The following CAND1 variants were observed in gnomAD, a reference collection of about 807,000 sequenced individuals.
CAND1 encodes the protein cullin-associated NEDD8-dissociated protein 1.
CAND1 carries 7 observed loss-of-function variants against 108.5 expected under a neutral mutation model. The ratio of observed to expected loss-of-function variants is 0.06; its 90% CI spans 0.04 to 0.12. The LOEUF is 0.12. CAND1 is among the 10% of genes least tolerant of loss of function. The pLI, the probability that CAND1 is intolerant of heterozygous loss-of-function variation, is 1.00. For synonymous variants in CAND1, 534 were observed against 512.0 expected (o/e 1.04, Z -0.58); for missense variants, 941 against 1,448.7 (o/e 0.65, Z 5.69).
rs1472030020 is a variant in CAND1 at position 67,269,661 on chromosome 12, C to T, written c.-57C>T. 1 of 1,481,516 alleles carries T rather than the reference C, an allele frequency of 6.7e-7. No homozygotes were observed. The highest frequency in any genetic ancestry group is 2.5e-5 in the East Asian group (1 of 40,520). 91.8% of individuals were successfully genotyped at this position (1,481,516 alleles called of 1,614,324 possible). A position where few individuals can be genotyped will look rare whatever the true frequency, so the allele number is the denominator to read the frequency against. On this transcript the variant is annotated 5_prime_UTR_variant, in exon 1 of 15. Coordinates refer to ENST00000545606, the MANE Select transcript of CAND1 (RefSeq NM_018448.5). ...GCTCCAGTGGCGGCGGCGGCGGCGG[C>T]AGCGGCAGCGGGCAGCAGCTCCAGC...
chr12:67,276,820 TTTTC>T (rs1366128688), intron 1 of CAND1, among the ~76,000 whole-genome samples: 2 of 152,220 alleles, frequency 1.3e-5, no homozygotes, highest in Non-Finnish European at 2.9e-5. Context: ...GCTGCTGTTT[TTTTC>T]TTTATCAGTG....
intron 10 of CAND1, 40 bp downstream of exon 10, chr12:67,306,637 G>A (rs1360661403): frequency 2.0e-6 from 3 of 1,484,096 alleles, no homozygotes; most frequent in South Asian, 2.7e-5. Context: ...GTTTTTTATT[G>A]ATAGTTGGTT....
Position 67,313,753 on chromosome 12 carries a change from A to G in CAND1, c.*923A>G, listed in dbSNP as rs557177506. 157 of 152,740 alleles carry G rather than the reference A, an allele frequency of 1.0e-3. 1 individual carries two copies. Among genetic ancestry groups the G allele is most frequent in the African/African-American group, 3.8e-3 (156 of 41,596 alleles). The allele number at this position is 152,740 out of a possible 1,614,324, so 9.5% of individuals were successfully genotyped here. A position where few individuals can be genotyped will look rare whatever the true frequency, so the allele number is the denominator to read the frequency against. On this transcript the variant is annotated 3_prime_UTR_variant, in exon 15 of 15. Transcript: ENST00000545606. ...ATTCCACTTAGAAATTCTTAAAACC[A>G]GATTTTTCTTTCATTCCGTTTGGAT...
At position 67,305,681 on chromosome 12, in the gene CAND1, T is replaced by C. The variant is rs1406967941; in HGVS notation, c.2013T>C (p.Leu671=). 1.2e-6 allele frequency: 2 copies of C among 1,614,122 alleles called. No individual in the cohort carries two copies. Among genetic ancestry groups the C allele is most frequent in the Non-Finnish European group, 1.7e-6 (2 of 1,179,992 alleles). ...AGAGAGCTTTGAAACTGGGTACTCT[T>C]TCTGCCCTTGATATTCTAATAAAAA... The part of the protein sequence containing the change: ...KNQRALKLGT[L]SALDILIKNY... Residue 671 remains leucine (L), a synonymous_variant, in exon 10 of 15, where the codon CTT becomes CTC. Coordinates refer to ENST00000545606, the MANE Select transcript of CAND1 (RefSeq NM_018448.5). The surrounding 1 kb of genome is among the most constrained non-coding windows in gnomAD (Gnocchi z 4.4).
intron 2 of CAND1, among the ~76,000 whole-genome samples, chr12:67,290,655 T>C (rs796508): frequency 0.74 from 113,208 of 152,104 alleles, 43,093 homozygotes; most frequent in African/African-American, 0.9. Flanking sequence ...TAAATAGTTA[T>C]GGAGTTCCTT....
At chr12:67,293,230 A>C (rs1352592902) in intron 3 of CAND1, 1 of 155,372 alleles carries the variant, frequency 6.4e-6, no homozygotes, top group Non-Finnish European at 1.4e-5. Context: ...GCTTTAATTA[A>C]AGCTGAGCCT....
intron 2 of CAND1, among the ~76,000 whole-genome samples, chr12:67,292,106 A>G (rs943036523): frequency 1.3e-5 from 2 of 151,928 alleles, no homozygotes; most frequent in African/African-American, 4.8e-5. Flanking sequence ...GCCTCAAGTG[A>G]TCCACCCGCC....
intron 11 of CAND1, among the ~76,000 whole-genome samples, chr12:67,308,319 C>T (rs1035680506): frequency 2.0e-5 from 3 of 152,048 alleles, no homozygotes; most frequent in South Asian, 2.1e-4. Flanking sequence ...AAGGAAAGCA[C>T]AGGCACAAAT....
chr12:67,288,350 A>C (rs2044692160), intron 2 of CAND1, among the ~76,000 whole-genome samples: 1 of 151,566 alleles, frequency 6.6e-6, no homozygotes, highest in Non-Finnish European at 1.5e-5. Context: ...CTGGTCTCGA[A>C]CTCCTGACCT....
At chr12:67,295,186 G>A (rs370500169) in intron 4 of CAND1, 30 bp downstream of exon 4, 16 of 1,573,762 alleles carry the variant, frequency 1.0e-5, no homozygotes, top group African/African-American at 2.7e-5. Flanking sequence ...TCCGTTACTC[G>A]TAATACAGAT....
At chr12:67,285,224 C>T (rs944419121) in intron 2 of CAND1, among the ~76,000 whole-genome samples, 2 of 152,092 alleles carry the variant, frequency 1.3e-5, no homozygotes, top group Admixed American at 1.3e-4. Flanking sequence ...TTACAGTTTT[C>T]TGTTGTTCCA....
intron 2 of CAND1, among the ~76,000 whole-genome samples, chr12:67,292,134 T>A (rs531909785): frequency 6.6e-6 from 1 of 152,232 alleles, no homozygotes; most frequent in East Asian, 1.9e-4. Context: ...CCCGAAGTGC[T>A]GGGATTACAG....
chr12:67,318,535 T>C lies in CAND1; in HGVS notation c.*5705T>C, dbSNP rs1213300527. ...TCTTACTAGCATTCTGTCCCTTTTA[T>C]TTCCTAAATATCTCTCATGCCCATC... On this transcript the variant is annotated 3_prime_UTR_variant, in exon 15 of 15. Transcript: ENST00000545606. 1 of 152,236 alleles carries C rather than the reference T, an allele frequency of 6.6e-6. No individual in the cohort carries two copies. Among genetic ancestry groups the C allele is most frequent in the Non-Finnish European group, 1.5e-5 (1 of 68,048 alleles). The allele number at this position is 152,236 out of a possible 1,614,324, so 9.4% of individuals were successfully genotyped here. A position where few individuals can be genotyped will look rare whatever the true frequency, so the allele number is the denominator to read the frequency against.
intron 2 of CAND1, among the ~76,000 whole-genome samples, chr12:67,284,974 A>T (rs1487784898): frequency 6.6e-6 from 1 of 152,220 alleles, no homozygotes; most frequent in East Asian, 1.9e-4. Context: ...TGGGAGAAAC[A>T]AGTCAATTAA....
chr12:67,312,330 C>G (rs2044959940), intron 14 of CAND1, among the ~76,000 whole-genome samples: 1 of 151,934 alleles, frequency 6.6e-6, no homozygotes, highest in Non-Finnish European at 1.5e-5. Context: ...ACTTGCTAAG[C>G]AGATAGTTGA....
intron 1 of CAND1, among the ~76,000 whole-genome samples, chr12:67,276,186 T>C (rs1422402727): frequency 2.6e-5 from 4 of 152,182 alleles, no homozygotes; most frequent in African/African-American, 9.7e-5. Context: ...CTAATTTCCA[T>C]TGACTACAAG....
intron 1 of CAND1, among the ~76,000 whole-genome samples, chr12:67,279,155 C>T (rs1237593128): frequency 6.8e-6 from 1 of 146,356 alleles, no homozygotes; most frequent in African/African-American, 2.6e-5. Flanking sequence ...CTCTGAGGTG[C>T]TCTGTCCTTC....
intron 2 of CAND1, among the ~76,000 whole-genome samples, chr12:67,290,744 A>G (rs1433219914): frequency 6.6e-6 from 1 of 152,076 alleles, no homozygotes; most frequent in Non-Finnish European, 1.5e-5. Context: ...GAATACAGTG[A>G]CTTCTTAATA....
intron 11 of CAND1, 53 bp from the exon 12 acceptor site, chr12:67,309,848 A>G: frequency 8.2e-7 from 1 of 1,226,316 alleles, no homozygotes; most frequent in East Asian, 2.3e-5. Flanking sequence ...TATAATGTAT[A>G]TTGTATTTTA....
Sources: allele counts gnomAD v4.1 joint callset (sites outside exome capture counted in the v4.1 genomes callset), GRCh38; gene constraint gnomAD v4.1.1; non-coding constraint Gnocchi (gnomAD v3.1); transcripts MANE v1.5; gene names NCBI Gene and HGNC (gene_info 2026-07-23, HGNC 2026-07-21).